Variants in NTN1 observed in about 807,000 individuals in gnomAD.
NTN1 encodes the protein netrin 1.
Under a neutral mutation model 54.2 loss-of-function variants are expected in NTN1, and 11 were observed. The observed-to-expected ratio is 0.20, with a 90% CI of 0.13 to 0.34. The LOEUF (loss-of-function observed/expected upper bound fraction) is 0.34. Ranked by LOEUF, NTN1 falls within the 10% of genes least tolerant of loss-of-function variation. The pLI, the probability that NTN1 is intolerant of heterozygous loss-of-function variation, is 1.00. For missense variants in NTN1, 740 were observed against 893.1 expected, an observed-to-expected ratio of 0.83 and a Z score of 2.18; for synonymous variants, 371 against 382.0, an observed-to-expected ratio of 0.97 and a Z score of 0.33.
chr17:9,195,484 G>A (rs182561368), intron 5 of NTN1, among the ~76,000 whole-genome samples: 1 of 152,256 alleles, frequency 6.6e-6, no homozygotes, highest in Non-Finnish European at 1.5e-5. Flanking sequence ...GGAGTCCTTG[G>A]ACCCACCTCC....
chr17:9,048,133 C>A lies in NTN1; in HGVS notation c.1018+24742C>A, dbSNP rs191531711. On this transcript the variant is annotated intron_variant, in intron 2 of 6. Coordinates refer to ENST00000173229, the MANE Select transcript of NTN1 (RefSeq NM_004822.3). ...ACAAAATGTGTTTCTTAAATAAAGC[C>A]AATAAAAACAATAAAAACAAATAAA... Among the ~76,000 whole-genome samples, 359 of 152,142 alleles carry A rather than the reference C, an allele frequency of 2.4e-3. 2 individuals are homozygous for A. Among genetic ancestry groups the A allele is most frequent in the Non-Finnish European group, 3.9e-3 (263 of 67,992 alleles).
chr17:9,164,562 C>T (rs539108329), intron 3 of NTN1, among the ~76,000 whole-genome samples: 92 of 152,244 alleles, frequency 6.0e-4, no homozygotes, highest in South Asian at 1.2e-3. Context: ...CTTCTGAGCA[C>T]GGGGCCCATG....
chr17:9,205,492 T>C (rs1904941973), intron 5 of NTN1, among the ~76,000 whole-genome samples: 1 of 152,244 alleles, frequency 6.6e-6, no homozygotes, highest in South Asian at 2.1e-4. Context: ...CTATGTTTGG[T>C]TGTGTGCACC....
chr17:9,213,093 C>T (rs965673326), intron 5 of NTN1, among the ~76,000 whole-genome samples: 1 of 152,120 alleles, frequency 6.6e-6, no homozygotes, highest in African/African-American at 2.4e-5. Flanking sequence ...GGCTGTGGGT[C>T]GGTCAGGGGA....
intron 2 of NTN1, among the ~76,000 whole-genome samples, chr17:9,140,209 G>A (rs7207592): frequency 0.36 from 54,893 of 151,806 alleles, 10,305 homozygotes; most frequent in East Asian, 0.55. Flanking sequence ...GTCGGGTGGT[G>A]TGAGCTGTGT....
At chr17:9,032,604 C>G (rs963661772) in intron 2 of NTN1, among the ~76,000 whole-genome samples, 18 of 152,172 alleles carry the variant, frequency 1.2e-4, no homozygotes, top group Admixed American at 2.6e-4. Flanking sequence ...AAGTGCCGAA[C>G]AAGAATAGTT....
intron 2 of NTN1, among the ~76,000 whole-genome samples, chr17:9,088,761 G>T (rs1374631555): frequency 1.3e-5 from 2 of 152,280 alleles, no homozygotes; most frequent in South Asian, 2.1e-4. Flanking sequence ...TTCCGAGCTG[G>T]CTGGAAGCAT....
At chr17:9,022,120 G>A (rs1192068927) in intron 1 of NTN1, among the ~76,000 whole-genome samples, 191 bp from the exon 2 acceptor site, 2 of 152,176 alleles carry the variant, frequency 1.3e-5, no homozygotes, top group Admixed American at 1.3e-4. Flanking sequence ...GGGAAGAAGG[G>A]GCGCGAGCGG....
At chr17:9,103,852 G>A (rs562047895) in intron 2 of NTN1, among the ~76,000 whole-genome samples, 6 of 152,028 alleles carry the variant, frequency 3.9e-5, no homozygotes, top group African/African-American at 9.6e-5. Context: ...TTGGGAGGTC[G>A]AGGTGGGTGG....
chr17:9,042,488 T>TA (rs879534793), intron 2 of NTN1, among the ~76,000 whole-genome samples: 2,126 of 83,178 alleles, frequency 0.026, 27 homozygotes, highest in African/African-American at 0.077. Context: ...CTCTGTCCCT[T>TA]AAAAAAAAAA....
chr17:9,050,066 G>A (rs1236462268), intron 2 of NTN1, among the ~76,000 whole-genome samples: 1 of 151,830 alleles, frequency 6.6e-6, no homozygotes, highest in Non-Finnish European at 1.5e-5. Context: ...CTAACATGGT[G>A]AAACCCCGTC....
intron 2 of NTN1, among the ~76,000 whole-genome samples, chr17:9,039,660 T>C (rs1324555688): frequency 6.6e-6 from 1 of 152,246 alleles, no homozygotes; most frequent in Non-Finnish European, 1.5e-5. Context: ...TGGTAATCCC[T>C]CCTGCCCCTT....
Position 9,239,073 on chromosome 17 carries a change from C to T in NTN1, c.1487-567C>T, listed in dbSNP as rs1027396484. ...GGGATGGCTTAGGCGTGGGAAGCGG[C>T]AGTCCAAGGTTCCCGGGGCTCTGGA... is the stretch of plus-strand genomic sequence containing the variant. On this transcript the variant is annotated intron_variant, in intron 6 of 6. Coordinates refer to ENST00000173229, the MANE Select transcript of NTN1 (RefSeq NM_004822.3). The surrounding 1 kb of genome is among the most constrained non-coding windows in gnomAD (Gnocchi z 5.2). Among the ~76,000 whole-genome samples, 2 of 152,214 alleles carry T rather than the reference C, an allele frequency of 1.3e-5. No individual in the cohort carries two copies. Among genetic ancestry groups the T allele is most frequent in the African/African-American group, 4.8e-5 (2 of 41,452 alleles).
intron 6 of NTN1, among the ~76,000 whole-genome samples, chr17:9,222,274 T>A (rs2142357825): frequency 6.6e-6 from 1 of 152,318 alleles, no homozygotes; most frequent in Non-Finnish European, 1.5e-5. Context: ...CCATCTTTCC[T>A]GTCCCATCTT....
intron 2 of NTN1, among the ~76,000 whole-genome samples, chr17:9,061,713 TG>T (rs773406286): frequency 4.6e-5 from 7 of 152,098 alleles, no homozygotes; most frequent in African/African-American, 1.7e-4. Context: ...TGTTTTGTTT[TG>T]TTTTTTTGAG....
intron 3 of NTN1, among the ~76,000 whole-genome samples, chr17:9,178,395 A>C (rs1229849350): frequency 6.6e-6 from 1 of 152,170 alleles, no homozygotes; most frequent in Admixed American, 6.5e-5. Flanking sequence ...GAGGTTTTGC[A>C]TGTCCAGACA....
chr17:9,185,501 C>T (rs181947510), intron 5 of NTN1, among the ~76,000 whole-genome samples: 4 of 152,282 alleles, frequency 2.6e-5, no homozygotes, highest in Admixed American at 2.6e-4. Context: ...CTTGAAGGGC[C>T]AGCTCACTCA....
At chr17:9,007,349 TTC>T in the NTN1 span, among the ~76,000 whole-genome samples, 532 of 149,428 alleles carry the variant, frequency 3.6e-3, 4 homozygotes, top group African/African-American at 0.013. Context: ...TTCTTTCTCT[TTC>T]TCTCTCTCTT....
At chr17:9,119,654 A>G (rs971601749) in intron 2 of NTN1, among the ~76,000 whole-genome samples, 2 of 151,650 alleles carry the variant, frequency 1.3e-5, no homozygotes, top group African/African-American at 4.9e-5. Flanking sequence ...ATGCTACACC[A>G]CACCTGGCTA....
Sources: gnomAD v4.1 joint callset for allele counts (sites outside exome capture counted in the v4.1 genomes callset) on GRCh38, gnomAD v4.1.1 for gene constraint, Gnocchi (gnomAD v3.1) non-coding constraint, MANE v1.5 for transcripts, NCBI Gene and HGNC (gene_info 2026-07-23, HGNC 2026-07-21) for gene names.